SLC35F4: variants seen among roughly 807,000 people sequenced by gnomAD.
SLC35F4 encodes the protein solute carrier family 35 member F4.
A neutral mutation model predicts 44.2 loss-of-function variants in SLC35F4; 24 were observed. That is an observed-to-expected ratio of 0.54 (90% CI 0.39 to 0.76). The LOEUF (loss-of-function observed/expected upper bound fraction) is 0.76, where lower values mean the gene tolerates loss of function less well. Among genes scored for constraint, SLC35F4 ranks in the 30% least tolerant of loss-of-function variants. The pLI is 0.00. For missense variants in SLC35F4, 562 were observed against 586.1 expected (o/e 0.96, Z 0.42); for synonymous variants, 238 against 223.6 (o/e 1.06, Z -0.57).
chr14:57,918,602 GAAAC>G lies in SLC35F4; in HGVS notation n.282+63307_282+63310del, dbSNP rs549302675. On this transcript the variant is annotated intron_variant and non_coding_transcript_variant, in intron 1 of 1. Coordinates refer to the SLC35F4 transcript ENST00000556568. ...TACCATCTCAAAGCCAAAAGGGCAAGAAACAAACAAATTCCTTGTCAAATTTGTA... is the reference window on the plus strand; with the variant it reads ...TACCATCTCAAAGCCAAAAGGGCAAGAAACAAATTCCTTGTCAAATTTGTA... Among the ~76,000 whole-genome samples the G allele has an allele frequency of 1.1e-3, 164 of 152,278 alleles. 1 individual carries two copies. Among genetic ancestry groups the G allele is most frequent in the African/African-American group, 3.8e-3 (156 of 41,558 alleles).
chr14:57,966,198 CT>C (rs1235677965), intron 1 of SLC35F4, among the ~76,000 whole-genome samples: 1 of 152,220 alleles, frequency 6.6e-6, no homozygotes, highest in Non-Finnish European at 1.5e-5. Context: ...CTCTTAGCAG[CT>C]CCCACAATTT....
In SLC35F4 at chr14:57,675,432, C is replaced by T. The variant is rs1302270956; in HGVS notation, c.104-81308G>A. Among the ~76,000 whole-genome samples, 3 of 152,080 alleles carry T rather than the reference C, an allele frequency of 2.0e-5. No individual in the cohort carries two copies. In the East Asian group the frequency reaches 5.8e-4, roughly 29 times the overall value. ...TTTTTGGATGAGTCCTTAGGGTTTTCCAGGTATATGATAATATCACTGGCA... is the reference window on the plus strand; with the variant it reads ...TTTTTGGATGAGTCCTTAGGGTTTTTCAGGTATATGATAATATCACTGGCA... On this transcript the variant is annotated intron_variant, in intron 1 of 7. Transcript: ENST00000556826.
intron 1 of SLC35F4, among the ~76,000 whole-genome samples, chr14:57,850,335 A>G (rs563561509): frequency 6.6e-6 from 1 of 152,346 alleles, no homozygotes; most frequent in South Asian, 2.1e-4. Flanking sequence ...TAATCCTACA[A>G]GAAACCTATT....
chr14:57,895,093 G>A (rs1192661103), intron 1 of SLC35F4, among the ~76,000 whole-genome samples: 2 of 152,070 alleles, frequency 1.3e-5, no homozygotes, highest in East Asian at 3.9e-4. Flanking sequence ...GAGGCTACCT[G>A]GGTACCCAAA....
At chr14:57,575,664 G>C (rs180732227) in intron 4 of SLC35F4, among the ~76,000 whole-genome samples, 2 of 152,338 alleles carry the variant, frequency 1.3e-5, no homozygotes, top group Admixed American at 1.3e-4. Context: ...ATTGAAGGAA[G>C]AGGATTTATT....
At chr14:57,601,288 C>T (rs2070810842) in intron 1 of SLC35F4, among the ~76,000 whole-genome samples, 2 of 151,956 alleles carry the variant, frequency 1.3e-5, no homozygotes, top group East Asian at 3.9e-4. Context: ...CTTTTACATG[C>T]ATATTAAAAC....
chr14:57,567,065 G>A (rs757415584), intron 6 of SLC35F4, among the ~76,000 whole-genome samples: 5 of 152,198 alleles, frequency 3.3e-5, no homozygotes, highest in African/African-American at 7.2e-5. Flanking sequence ...AAACAAGGGT[G>A]GGTTTAATGT....
At chr14:57,614,905 T>A (rs1331819286) in intron 1 of SLC35F4, among the ~76,000 whole-genome samples, 2 of 152,226 alleles carry the variant, frequency 1.3e-5, no homozygotes, top group African/African-American at 4.8e-5. Flanking sequence ...TCACTTAAAC[T>A]TTTTAGATTT....
At chr14:57,627,628 C>T (rs2072542091) in intron 1 of SLC35F4, among the ~76,000 whole-genome samples, 1 of 151,860 alleles carries the variant, frequency 6.6e-6, no homozygotes, top group Non-Finnish European at 1.5e-5. Context: ...TTAGATGAAC[C>T]CAAGAAATAA....
At chr14:57,719,766 A>G (rs957293938) in intron 1 of SLC35F4, among the ~76,000 whole-genome samples, 22 of 152,136 alleles carry the variant, frequency 1.4e-4, no homozygotes, top group African/African-American at 5.3e-4. Flanking sequence ...AACAATGATA[A>G]TTTGGCTCCT....
chr14:57,710,708 C>T (rs1485325314), intron 1 of SLC35F4, among the ~76,000 whole-genome samples: 1 of 152,112 alleles, frequency 6.6e-6, no homozygotes, highest in African/African-American at 2.4e-5. Flanking sequence ...CATTTTGGAA[C>T]TTTAAGGTTT....
At chr14:57,859,400 A>G (rs776555941) in intron 1 of SLC35F4, among the ~76,000 whole-genome samples, 1 of 152,250 alleles carries the variant, frequency 6.6e-6, no homozygotes, top group Admixed American at 6.5e-5. Flanking sequence ...CATCTCTGGT[A>G]GTGGAATTAT....
At chr14:57,602,784 T>G (rs1017540749) in intron 1 of SLC35F4, among the ~76,000 whole-genome samples, 2 of 152,168 alleles carry the variant, frequency 1.3e-5, no homozygotes, top group East Asian at 3.9e-4. Flanking sequence ...TCAAGACATA[T>G]TTTCTCTGTT....
intron 1 of SLC35F4, among the ~76,000 whole-genome samples, chr14:57,811,109 C>T (rs971543307): frequency 6.6e-6 from 1 of 152,184 alleles, no homozygotes; most frequent in East Asian, 1.9e-4. Context: ...GATTAGGGAT[C>T]TGGAATTACA....
At chr14:57,916,494 C>T (rs1889332123) in intron 1 of SLC35F4, among the ~76,000 whole-genome samples, 1 of 152,158 alleles carries the variant, frequency 6.6e-6, no homozygotes. Flanking sequence ...GTTCTCTGAG[C>T]TTCCTGGATC....
At chr14:57,828,280 T>TA (rs1380514273) in intron 1 of SLC35F4, among the ~76,000 whole-genome samples, 1 of 152,152 alleles carries the variant, frequency 6.6e-6, no homozygotes, top group Middle Eastern at 3.2e-3. Flanking sequence ...GGATCTTTTT[T>TA]AAAGCTCCAC....
At chr14:57,961,567 A>G (rs1441656876) in intron 1 of SLC35F4, among the ~76,000 whole-genome samples, 4 of 152,148 alleles carry the variant, frequency 2.6e-5, no homozygotes. Flanking sequence ...TGGGTCCCTT[A>G]ATTGCTTAAA....
intron 1 of SLC35F4, among the ~76,000 whole-genome samples, chr14:57,595,545 T>C (rs1195448953): frequency 6.6e-6 from 1 of 152,200 alleles, no homozygotes; most frequent in African/African-American, 2.4e-5. Context: ...CTACATATAT[T>C]ATCTGGATTT....
At chr14:57,598,324 G>A (rs1036124163) in intron 1 of SLC35F4, among the ~76,000 whole-genome samples, 6 of 152,108 alleles carry the variant, frequency 3.9e-5, no homozygotes, top group Non-Finnish European at 7.3e-5. Context: ...ATATTACACC[G>A]ATGCTTGTCC....
Sources: allele counts gnomAD v4.1 joint callset (sites outside exome capture counted in the v4.1 genomes callset), GRCh38; gene constraint gnomAD v4.1.1; transcripts MANE v1.5; gene names NCBI Gene and HGNC (gene_info 2026-07-23, HGNC 2026-07-21).